The following DLC1 variants were observed in gnomAD, a reference collection of about 807,000 sequenced individuals.
DLC1 encodes rho GTPase-activating protein 7.
DLC1 carries 54 observed loss-of-function variants against 140.3 expected under a neutral mutation model. That is an observed-to-expected ratio of 0.38 (90% CI 0.31 to 0.48). DLC1 has a LOEUF of 0.48. Ranked by LOEUF, DLC1 falls within the 20% of genes least tolerant of loss-of-function variation. DLC1 has a pLI of 0.96. For synonymous variants in DLC1, 986 were observed against 728.1 expected (o/e 1.35, Z -5.70); for missense variants, 2,536 against 1,907.0 (o/e 1.33, Z -6.14).
chr8:13,436,489 A>C (rs976485025), intron 2 of DLC1, among the ~76,000 whole-genome samples: 6 of 152,198 alleles, frequency 3.9e-5, no homozygotes, highest in African/African-American at 1.4e-4. Flanking sequence ...TCACTTTTCC[A>C]GACTTGTCTA....
Position 13,595,606 on chromosome 8 carries a change from T to C in DLC1, c.-126+8931A>G, listed in dbSNP as rs528296228. Among the ~76,000 whole-genome samples the C allele has an allele frequency of 1.6e-4, 24 of 152,136 alleles. No individual in the cohort carries two copies. The South Asian group carries it at 4.4e-3, about 28-fold the overall frequency. ...AAGTGAGGAACATATGCTGAATATG[T>C]TGAACAGTTTCGACTCTTATTGAGT... On this transcript the variant is annotated intron_variant, in intron 1 of 1. Transcript: ENST00000631382.
At chr8:13,217,156 T>TA (rs942619899) in intron 5 of DLC1, among the ~76,000 whole-genome samples, 2 of 152,204 alleles carry the variant, frequency 1.3e-5, no homozygotes, top group Non-Finnish European at 2.9e-5. Flanking sequence ...GAAATGGATA[T>TA]AAACATCAGT....
chr8:13,360,778 T>G (rs1156521095), intron 4 of DLC1, among the ~76,000 whole-genome samples: 4 of 152,152 alleles, frequency 2.6e-5, no homozygotes, highest in Non-Finnish European at 5.9e-5. Context: ...ATAAAATTCA[T>G]AATCTTACTA....
At chr8:13,159,430 C>T (rs940639243) in intron 5 of DLC1, among the ~76,000 whole-genome samples, 4 of 152,330 alleles carry the variant, frequency 2.6e-5, no homozygotes, top group Non-Finnish European at 5.9e-5. Flanking sequence ...GACAGCTGCG[C>T]ATTCTCACGT....
chr8:13,181,940 T>A (rs1282036284), intron 5 of DLC1, among the ~76,000 whole-genome samples: 1 of 152,206 alleles, frequency 6.6e-6, no homozygotes, highest in Non-Finnish European at 1.5e-5. Context: ...TGAACTAATT[T>A]ATACTCCCAC....
At chr8:13,490,630 A>G (rs1801190638) in intron 2 of DLC1, among the ~76,000 whole-genome samples, 2 of 152,206 alleles carry the variant, frequency 1.3e-5, no homozygotes, top group African/African-American at 4.8e-5. Flanking sequence ...GTTGGTATTA[A>G]AAGATTAATA....
chr8:13,444,652 T>G (rs1798696612), intron 2 of DLC1, among the ~76,000 whole-genome samples: 1 of 152,198 alleles, frequency 6.6e-6, no homozygotes, highest in African/African-American at 2.4e-5. Context: ...GTACTACTCT[T>G]TTCCCAAATT....
intron 7 of DLC1, among the ~76,000 whole-genome samples, chr8:13,107,319 T>C (rs1819649916): frequency 6.6e-6 from 1 of 152,230 alleles, no homozygotes; most frequent in African/African-American, 2.4e-5. Flanking sequence ...CTGTAAGATC[T>C]GTAAATGTCA....
At chr8:13,596,479 G>A (rs890314564) in intron 1 of DLC1, among the ~76,000 whole-genome samples, 1 of 151,938 alleles carries the variant, frequency 6.6e-6, no homozygotes, top group Admixed American at 6.6e-5. Context: ...AGATTCCTTA[G>A]AGGCCTTTCT....
intron 1 of DLC1, among the ~76,000 whole-genome samples, chr8:13,579,047 A>G (rs1274924251): frequency 6.6e-6 from 1 of 151,518 alleles, no homozygotes; most frequent in Non-Finnish European, 1.5e-5. Flanking sequence ...GCACTAGAAC[A>G]AAAGAGACTC....
At chr8:13,381,378 G>A (rs1836246678) in intron 4 of DLC1, among the ~76,000 whole-genome samples, 2 of 152,166 alleles carry the variant, frequency 1.3e-5, no homozygotes, top group Admixed American at 6.5e-5. Flanking sequence ...TCACAGGTGT[G>A]GTAGCTAATC....
At chr8:13,459,927 C>A in intron 2 of DLC1, among the ~76,000 whole-genome samples, 1 of 152,130 alleles carries the variant, frequency 6.6e-6, no homozygotes, top group South Asian at 2.1e-4. Flanking sequence ...CGCCCAATAT[C>A]GCTTTGTGTG....
intron 1 of DLC1, among the ~76,000 whole-genome samples, chr8:13,545,759 A>G (rs1803630687): frequency 6.6e-6 from 1 of 152,072 alleles, no homozygotes; most frequent in African/African-American, 2.4e-5. Context: ...AAAAAACAAG[A>G]CTTTCTATTT....
chr8:13,120,790 C>A (rs1372184860), intron 5 of DLC1, among the ~76,000 whole-genome samples: 2 of 152,014 alleles, frequency 1.3e-5, no homozygotes, highest in African/African-American at 2.4e-5. Context: ...TCCCGGACAC[C>A]CTTTTGTGTA....
At chr8:13,406,198 T>TTTTC (rs564377892) in intron 2 of DLC1, among the ~76,000 whole-genome samples, 15 of 142,644 alleles carry the variant, frequency 1.1e-4, no homozygotes, top group Middle Eastern at 3.5e-3. Flanking sequence ...TTTTTTTTTT[T>TTTTC]CAGTGGAGAC....
At chr8:13,279,755 T>C (rs1423694248) in intron 5 of DLC1, among the ~76,000 whole-genome samples, 1 of 152,226 alleles carries the variant, frequency 6.6e-6, no homozygotes, top group Non-Finnish European at 1.5e-5. Flanking sequence ...CATTTTGCTT[T>C]CTTTGTAGGC....
intron 2 of DLC1, among the ~76,000 whole-genome samples, chr8:13,437,970 G>T (rs763882445): frequency 1.1e-4 from 16 of 150,584 alleles, no homozygotes; most frequent in Admixed American, 2.6e-4. Flanking sequence ...GGTTATAAGG[G>T]TCCCCAGGAA....
At chr8:13,504,736 G>A (rs1035316737) in intron 1 of DLC1, among the ~76,000 whole-genome samples, 1 of 152,104 alleles carries the variant, frequency 6.6e-6, no homozygotes, top group African/African-American at 2.4e-5. Context: ...ATTTGGATGG[G>A]AAATTATGTC....
intron 2 of DLC1, among the ~76,000 whole-genome samples, chr8:13,459,510 G>A (rs1799562249): frequency 1.3e-5 from 2 of 152,190 alleles, no homozygotes; most frequent in Admixed American, 1.3e-4. Context: ...AGGCTTTTCA[G>A]TTTTTCTCTT....
Sources: allele counts gnomAD v4.1 joint callset (sites outside exome capture counted in the v4.1 genomes callset), GRCh38; gene constraint gnomAD v4.1.1; transcripts MANE v1.5; gene names NCBI Gene and HGNC (gene_info 2026-07-23, HGNC 2026-07-21).